BORA: variants seen among roughly 807,000 people sequenced by gnomAD.
BORA encodes the protein BORA aurora kinase A activator.
BORA carries 26 observed loss-of-function variants against 55.8 expected under a neutral mutation model. The ratio of observed to expected loss-of-function variants is 0.47; its 90% CI spans 0.34 to 0.65. The LOEUF is 0.65. Among genes scored for constraint, BORA ranks in the 30% least tolerant of loss-of-function variants. The pLI is 0.01. For synonymous variants in BORA, 201 were observed against 216.9 expected (o/e 0.93, Z 0.64); for missense variants, 568 against 671.5 (o/e 0.85, Z 1.70).
intron 10 of BORA, among the ~76,000 whole-genome samples, chr13:72,749,007 C>T (rs1376537120): frequency 6.6e-6 from 1 of 152,164 alleles, no homozygotes; most frequent in African/African-American, 2.4e-5. Context: ...CAAGCAGTCT[C>T]AGTTTTACTC....
intron 5 of BORA, among the ~76,000 whole-genome samples, chr13:72,739,319 G>C (rs2032991747): frequency 6.6e-6 from 1 of 152,128 alleles, no homozygotes; most frequent in Non-Finnish European, 1.5e-5. Flanking sequence ...GGATCAAGAA[G>C]ATGCTTAAAA....
intron 10 of BORA, among the ~76,000 whole-genome samples, chr13:72,751,271 A>G (rs561792257): frequency 7.2e-5 from 11 of 152,336 alleles, no homozygotes; most frequent in African/African-American, 2.6e-4. Context: ...AGGAAAGGAA[A>G]TCAGTATGTC....
chr13:72,730,330 T>G (rs1396596587), intron 2 of BORA, among the ~76,000 whole-genome samples: 1 of 152,140 alleles, frequency 6.6e-6, no homozygotes, highest in Non-Finnish European at 1.5e-5. Context: ...ATTTATCTCT[T>G]GGTCTTACTA....
chr13:72,753,415 C>T lies in BORA; in HGVS notation c.1483-275C>T, dbSNP rs1239956417. ...TCTACTAGGTACGATCACAAAATAA[C>T]AGGAAAGCATTGTGTCAGTAGGCTG... is the stretch of plus-strand genomic sequence containing the variant. On this transcript the variant is annotated intron_variant, in intron 10 of 11. Coordinates refer to ENST00000390667, the MANE Select transcript of BORA (RefSeq NM_024808.5). 5 of 251,262 alleles carry T rather than the reference C, an allele frequency of 2.0e-5. No homozygotes were observed. In the Admixed American group the frequency reaches 2.6e-4, roughly 13 times the overall value. The allele number at this position is 251,262 out of a possible 1,614,324, so 15.6% of individuals were successfully genotyped here.
intron 1 of BORA, among the ~76,000 whole-genome samples, chr13:72,728,651 T>C (rs972355075): frequency 2.6e-5 from 4 of 152,214 alleles, no homozygotes; most frequent in African/African-American, 4.8e-5. Flanking sequence ...CATTCATATT[T>C]GATTGCTGCG....
At chr13:72,750,734 G>A (rs1490413483) in intron 10 of BORA, among the ~76,000 whole-genome samples, 8 of 152,044 alleles carry the variant, frequency 5.3e-5, no homozygotes. Flanking sequence ...ACCATGCCAA[G>A]CATTTTACAG....
At chr13:72,749,418 G>A (rs1427607349) in intron 10 of BORA, among the ~76,000 whole-genome samples, 1 of 151,934 alleles carries the variant, frequency 6.6e-6, no homozygotes, top group Non-Finnish European at 1.5e-5. Flanking sequence ...TCACTTCTTG[G>A]ATCTTTTCTT....
intron 4 of BORA, among the ~76,000 whole-genome samples, chr13:72,736,129 C>T (rs555544545): frequency 1.3e-5 from 2 of 152,178 alleles, no homozygotes; most frequent in East Asian, 3.9e-4. Context: ...TTCATTCTGA[C>T]TCAGTCACTT....
intron 8 of BORA, among the ~76,000 whole-genome samples, chr13:72,745,468 T>C (rs991617483): frequency 6.6e-6 from 1 of 152,200 alleles, no homozygotes; most frequent in Non-Finnish European, 1.5e-5. Flanking sequence ...TGGTTGTCTT[T>C]TGAGTATTAT....
intron 5 of BORA, among the ~76,000 whole-genome samples, chr13:72,740,727 TGA>T (rs1418982999): frequency 6.6e-6 from 1 of 152,166 alleles, no homozygotes; most frequent in Admixed American, 6.6e-5. Flanking sequence ...TAAATGAATG[TGA>T]GTGTGTACCA....
chr13:72,755,014 A>G (rs2033410648), intron 11 of BORA, 137 bp from the exon 12 acceptor site: 1 of 645,846 alleles, frequency 1.5e-6, no homozygotes, highest in South Asian at 2.0e-5. Context: ...ATTGATTTAT[A>G]AAATACTGTA....
rs891177843 is a variant in BORA, at chr13:72,727,923, A to G, written c.-100A>G. 3 of 1,550,608 alleles carry G rather than the reference A, an allele frequency of 1.9e-6. No individual in the cohort carries two copies. The highest frequency in any genetic ancestry group is 1.7e-4 in the Middle Eastern group (1 of 5,992). On this transcript the variant is annotated 5_prime_UTR_variant, in exon 1 of 12. Coordinates refer to ENST00000390667, the MANE Select transcript of BORA (RefSeq NM_024808.5). ...CAAGACAGCGCGGAAGCGGGGAGTT[A>G]AAGAGTCTATGCCTGTCGTGGAAGC... is the stretch of plus-strand genomic sequence containing the variant.
chr13:72,728,319 G>A, intron 1 of BORA: 1 of 612,374 alleles, frequency 1.6e-6, no homozygotes, highest in Admixed American at 2.8e-5. Flanking sequence ...TCTATCCCGG[G>A]AGGGGTGGAG....
At position 72,739,978 on chromosome 13, in the gene BORA, ACTGTGGC is replaced by A. The variant is rs1219585817; in HGVS notation, c.388+1936_388+1942del. ...GTCACACAGTGACTGAGAGATAGTC[ACTGTGGC>A]ATGTCTGTGTAGTCCATGTGCGGTA... On this transcript the variant is annotated intron_variant, in intron 5 of 11. Transcript: ENST00000390667. 2.0e-5 allele frequency among the ~76,000 whole-genome samples: 3 copies of A among 150,320 alleles called. No homozygotes were observed. In the East Asian group the frequency reaches 6.0e-4, roughly 30 times the overall value.
chr13:72,749,157 C>T (rs2033213121), intron 10 of BORA, among the ~76,000 whole-genome samples: 1 of 152,196 alleles, frequency 6.6e-6, no homozygotes, highest in Non-Finnish European at 1.5e-5. Flanking sequence ...CCGTCTCTCA[C>T]ATTTGAGAGT....
rs970437681 is a variant in BORA at position 72,731,927 on chromosome 13, A to G, written c.260+540A>G. Among the ~76,000 whole-genome samples the G allele has an allele frequency of 9.8e-5, 15 of 152,308 alleles. No homozygotes were observed. The East Asian group carries it at 2.7e-3, about 27-fold the overall frequency. ...AATTACATTTTCTAGAATTCTACAT[A>G]TCACCCAGTGCAGTCTTATTTGTTG... On this transcript the variant is annotated intron_variant, in intron 3 of 11. Transcript: ENST00000390667.
rs116113117 is a variant in BORA at position 72,731,073 on chromosome 13, A to G, written c.154-208A>G. On this transcript the variant is annotated intron_variant, in intron 2 of 11. Coordinates refer to ENST00000390667, the MANE Select transcript of BORA (RefSeq NM_024808.5). ...ACAGAACGAGACTCTGTCTTAAACA[A>G]AGAGAGAGAGAGATACAATTAAGTC... Among the ~76,000 whole-genome samples, 228 of 151,942 alleles carry G rather than the reference A, an allele frequency of 1.5e-3. 1 individual carries two copies. Among genetic ancestry groups the G allele is most frequent in the African/African-American group, 5.3e-3 (221 of 41,482 alleles).
Position 72,735,007 on chromosome 13 carries a change from TAACTTA to T in BORA, c.306+7_306+12del. On this transcript the variant is annotated splice_donor_5th_base_variant and intron_variant, in intron 4 of 11. Transcript: ENST00000390667. ...AAAAGACAAAAAGCCATTGAAGAGG[TAACTTA>T]AACTGTTACTGATCATTAAATCAGT... 1 of 1,586,136 alleles carries T rather than the reference TAACTTA, an allele frequency of 6.3e-7. No individual in the cohort carries two copies. Among genetic ancestry groups the T allele is most frequent in the Non-Finnish European group, 8.7e-7 (1 of 1,155,336 alleles).
intron 5 of BORA, among the ~76,000 whole-genome samples, chr13:72,740,750 A>G (rs2138067617): frequency 6.6e-6 from 1 of 152,334 alleles, no homozygotes; most frequent in East Asian, 1.9e-4. Flanking sequence ...GTAAAACTGT[A>G]TTTAAAAAAA....
Sources: allele counts gnomAD v4.1 joint callset (sites outside exome capture counted in the v4.1 genomes callset), GRCh38; gene constraint gnomAD v4.1.1; transcripts MANE v1.5; gene names NCBI Gene and HGNC (gene_info 2026-07-23, HGNC 2026-07-21).